The following ANO4 variants were observed in gnomAD, a reference collection of about 807,000 sequenced individuals.
ANO4 encodes the protein anoctamin 4, also known as anoctamin-4.
In ANO4, 69 loss-of-function variants were observed where a neutral mutation model predicts 141.9. That is an observed-to-expected ratio of 0.49 (90% CI 0.40 to 0.59). The LOEUF is 0.59. ANO4 is among the 20% of genes least tolerant of loss of function. ANO4 has a pLI of 0.00. For synonymous variants in ANO4, 350 were observed against 394.3 expected (o/e 0.89, Z 1.33); for missense variants, 894 against 1,162.2 (o/e 0.77, Z 3.36).
At chr12:100,934,655 G>A (rs1426784210) in intron 3 of ANO4, among the ~76,000 whole-genome samples, 2 of 152,076 alleles carry the variant, frequency 1.3e-5, no homozygotes, top group East Asian at 3.9e-4. Context: ...GATGGGGATT[G>A]CATTAAATCT....
intron 25 of ANO4, among the ~76,000 whole-genome samples, chr12:101,117,993 A>G (rs2050923250): frequency 6.6e-6 from 1 of 151,940 alleles, no homozygotes; most frequent in Admixed American, 6.6e-5. Context: ...CCTTTCCCAC[A>G]TGGAGTAACA....
Position 100,774,652 on chromosome 12 carries a change from G to A in ANO4, c.358+34547G>A, listed in dbSNP as rs532396617. On this transcript the variant is annotated intron_variant, in intron 3 of 29. Coordinates refer to the ANO4 transcript ENST00000644049. ...GTTACCCTTCCCCCACAACATATGC[G>A]AATGCACTTGCACACACGTGAACAC... Among the ~76,000 whole-genome samples the A allele has an allele frequency of 2.0e-4, 31 of 152,340 alleles. No individual in the cohort carries two copies. In the South Asian group the frequency reaches 6.4e-3, roughly 32 times the overall value.
intron 9 of ANO4, among the ~76,000 whole-genome samples, chr12:101,033,211 G>GC (rs1008290208): frequency 4.6e-5 from 7 of 151,444 alleles, no homozygotes; most frequent in Non-Finnish European, 8.8e-5. Flanking sequence ...GTAAACTATC[G>GC]CAAGAACAAA....
At chr12:101,064,169 C>T (rs1326029459) in intron 14 of ANO4, among the ~76,000 whole-genome samples, 1 of 152,120 alleles carries the variant, frequency 6.6e-6, no homozygotes, top group African/African-American at 2.4e-5. Flanking sequence ...TAAATTTCCT[C>T]TAAGCACTGC....
At chr12:101,057,552 C>A (rs2048173189) in intron 14 of ANO4, among the ~76,000 whole-genome samples, 1 of 152,192 alleles carries the variant, frequency 6.6e-6, no homozygotes, top group Admixed American at 6.5e-5. Flanking sequence ...TAGTGATTGC[C>A]ATTCTAACTG....
intron 3 of ANO4, among the ~76,000 whole-genome samples, chr12:100,934,020 G>A (rs2042190077): frequency 1.3e-5 from 2 of 152,034 alleles, no homozygotes; most frequent in African/African-American, 4.8e-5. Context: ...TGGGTAGATT[G>A]CAAAATTTTT....
intron 2 of ANO4, among the ~76,000 whole-genome samples, chr12:100,910,214 T>C (rs1000421701): frequency 2.0e-5 from 3 of 152,162 alleles, no homozygotes; most frequent in African/African-American, 7.2e-5. Context: ...TAATAAATGG[T>C]TGATAAATAA....
At chr12:100,949,670 AACATC>A (rs1457572339) in intron 5 of ANO4, among the ~76,000 whole-genome samples, 10 of 152,358 alleles carry the variant, frequency 6.6e-5, no homozygotes, top group Non-Finnish European at 1.5e-4. Context: ...TAGGAATAGC[AACATC>A]AGTGGGTCAT....
intron 1 of ANO4, among the ~76,000 whole-genome samples, chr12:100,722,253 A>C (rs905561235): frequency 1.3e-5 from 2 of 151,974 alleles, no homozygotes; most frequent in Non-Finnish European, 2.9e-5. Flanking sequence ...GGCCACCATC[A>C]TTGCCCACTT....
intron 5 of ANO4, among the ~76,000 whole-genome samples, chr12:100,970,711 T>G (rs2043892631): frequency 7.5e-6 from 1 of 133,958 alleles, no homozygotes; most frequent in Non-Finnish European, 1.6e-5. Context: ...CCTTCCTTCC[T>G]TCCTTCCTTC....
chr12:100,876,593 A>G (rs1458973102), intron 1 of ANO4, among the ~76,000 whole-genome samples: 1 of 152,208 alleles, frequency 6.6e-6, no homozygotes, highest in Admixed American at 6.5e-5. Context: ...TTACAGGGAA[A>G]GTACGTAAGT....
At chr12:100,889,411 G>A (rs1196646804) in intron 1 of ANO4, among the ~76,000 whole-genome samples, 1 of 152,102 alleles carries the variant, frequency 6.6e-6, no homozygotes, top group African/African-American at 2.4e-5. Context: ...TGGGATGGCT[G>A]GGTCAAGTGG....
intron 1 of ANO4, among the ~76,000 whole-genome samples, chr12:100,804,703 C>T (rs188558588): frequency 1.3e-5 from 2 of 152,112 alleles, no homozygotes; most frequent in Non-Finnish European, 2.9e-5. Flanking sequence ...TAATGATCAG[C>T]GATGCTGAGT....
chr12:100,784,587 CA>C (rs1226202421), intron 3 of ANO4, among the ~76,000 whole-genome samples: 1 of 152,218 alleles, frequency 6.6e-6, no homozygotes, highest in Non-Finnish European at 1.5e-5. Flanking sequence ...TAGAACCCCA[CA>C]TGCAGTTTTT....
intron 14 of ANO4, among the ~76,000 whole-genome samples, chr12:101,062,639 T>G (rs1011686480): frequency 1.3e-5 from 2 of 152,208 alleles, no homozygotes; most frequent in South Asian, 2.1e-4. Flanking sequence ...CAAGCTGCAG[T>G]GGGCTCCACC....
intron 1 of ANO4, among the ~76,000 whole-genome samples, chr12:100,880,373 C>T (rs924597968): frequency 6.6e-6 from 1 of 152,098 alleles, no homozygotes; most frequent in South Asian, 2.1e-4. Context: ...TTCTTAATAA[C>T]TTATAAGGTA....
chr12:100,773,957 C>T (rs1009318646), intron 3 of ANO4, among the ~76,000 whole-genome samples: 3 of 152,200 alleles, frequency 2.0e-5, no homozygotes, highest in South Asian at 2.1e-4. Context: ...TTTATTGGAA[C>T]GTAACCATGC....
At chr12:100,963,203 G>A (rs1235954009) in intron 5 of ANO4, among the ~76,000 whole-genome samples, 1 of 152,054 alleles carries the variant, frequency 6.6e-6, no homozygotes, top group Non-Finnish European at 1.5e-5. Context: ...GAGAGGTGTG[G>A]GCCAAAGATA....
chr12:100,838,621 G>T (rs1339968869), intron 1 of ANO4, among the ~76,000 whole-genome samples: 2 of 152,148 alleles, frequency 1.3e-5, no homozygotes, highest in Admixed American at 1.3e-4. Flanking sequence ...ACTGGCCCAA[G>T]CATCAGGTCA....
Sources: allele counts gnomAD v4.1 joint callset (sites outside exome capture counted in the v4.1 genomes callset), GRCh38; gene constraint gnomAD v4.1.1; transcripts MANE v1.5; gene names NCBI Gene and HGNC (gene_info 2026-07-23, HGNC 2026-07-21).